Variants in TMOD3 observed in about 807,000 individuals in gnomAD.
TMOD3 encodes the protein tropomodulin 3.
In TMOD3, 20 loss-of-function variants were observed where a neutral mutation model predicts 39.2. The ratio of observed to expected loss-of-function variants is 0.51; its 90% CI spans 0.36 to 0.74. The LOEUF is 0.74. TMOD3 is among the 30% of genes least tolerant of loss of function. TMOD3 has a pLI of 0.00. For missense variants in TMOD3, 381 were observed against 412.8 expected (o/e 0.92, Z 0.67); for synonymous variants, 143 against 145.8 (o/e 0.98, Z 0.14).
At position 51,910,684 on chromosome 15, in the gene TMOD3, A is replaced by G. The variant is rs998563618; in HGVS notation, c.*1874A>G. ...TAAGCAAGGCAGCTTCTTGTGTGCT[A>G]TGGTAATAAGCCTTCTTAACAGGCT... On this transcript the variant is annotated 3_prime_UTR_variant, in exon 10 of 10. Transcript: ENST00000308580. 3 of 151,660 alleles carry G rather than the reference A, an allele frequency of 2.0e-5. No homozygotes were observed. The highest frequency in any genetic ancestry group is 2.9e-5 in the Non-Finnish European group (2 of 67,992). The allele number at this position is 151,660 out of a possible 1,614,324, so 9.4% of individuals were successfully genotyped here.
chr15:51,836,310 C>T (rs2056283065), intron 1 of TMOD3, among the ~76,000 whole-genome samples: 1 of 152,202 alleles, frequency 6.6e-6, no homozygotes, highest in South Asian at 2.1e-4. Context: ...CAATTCCCCC[C>T]TGGTCTCCCC....
intron 3 of TMOD3, 103 bp from the exon 4 acceptor site, chr15:51,887,485 AT>A (rs2056570977): frequency 8.3e-7 from 1 of 1,200,390 alleles, no homozygotes; most frequent in South Asian, 1.7e-5. Context: ...GTCGATGTTA[AT>A]CTTTTCCTTC....
intron 9 of TMOD3, among the ~76,000 whole-genome samples, chr15:51,904,975 T>C (rs1317753089): frequency 6.6e-6 from 1 of 152,216 alleles, no homozygotes; most frequent in Non-Finnish European, 1.5e-5. Context: ...CACTGTTTCA[T>C]TCTGATCCAA....
chr15:51,902,902 C>T (rs911305605), intron 9 of TMOD3, among the ~76,000 whole-genome samples: 3 of 152,106 alleles, frequency 2.0e-5, no homozygotes, highest in Non-Finnish European at 4.4e-5. Flanking sequence ...CCACCCGCCT[C>T]GGCCTCCCAA....
intron 1 of TMOD3, among the ~76,000 whole-genome samples, chr15:51,845,559 C>T (rs1026465119): frequency 3.3e-5 from 5 of 152,114 alleles, no homozygotes; most frequent in African/African-American, 9.7e-5. Context: ...GATTTTAGAC[C>T]AGCCTGGGCA....
chr15:51,868,060 G>T (rs2056456001), intron 2 of TMOD3, among the ~76,000 whole-genome samples: 1 of 152,142 alleles, frequency 6.6e-6, no homozygotes, highest in Admixed American at 6.5e-5. Context: ...ACATCCTAGT[G>T]GTCATGTATA....
At chr15:51,889,295 C>A in intron 5 of TMOD3, 150 bp downstream of exon 5, 3 of 572,818 alleles carry the variant, frequency 5.2e-6, no homozygotes, top group Non-Finnish European at 9.3e-6. Context: ...CCAAGAAAGC[C>A]ATTGAAAATA....
Position 51,887,717 on chromosome 15 carries a change from A to T in TMOD3, c.406+6A>T, listed in dbSNP as rs1237111469. 8.1e-6 allele frequency: 13 copies of T among 1,613,418 alleles called. No homozygotes were observed. Among genetic ancestry groups the T allele is most frequent in the Non-Finnish European group, 1.0e-5 (12 of 1,179,860 alleles). ...AGAATTGTGTGACCTCGCAGGTATC[A>T]CCTAAAACAAGTTAATTTGTGAATA... On this transcript the variant is annotated splice_donor_region_variant and intron_variant, in intron 4 of 9. Transcript: ENST00000308580.
chr15:51,851,841 C>G (rs976581591), intron 1 of TMOD3, among the ~76,000 whole-genome samples: 1 of 152,222 alleles, frequency 6.6e-6, no homozygotes, highest in Non-Finnish European at 1.5e-5. Flanking sequence ...AGCCACAACT[C>G]TAGGCAAAGC....
intron 1 of TMOD3, among the ~76,000 whole-genome samples, chr15:51,857,779 GAATTA>G (rs1383752754): frequency 2.0e-5 from 3 of 151,498 alleles, no homozygotes; most frequent in African/African-American, 7.3e-5. Flanking sequence ...AAAAAAGCAT[GAATTA>G]AATTATTCTT....
chr15:51,835,835 C>T (rs1039164919), intron 1 of TMOD3, among the ~76,000 whole-genome samples: 6 of 152,260 alleles, frequency 3.9e-5, no homozygotes, highest in East Asian at 1.9e-4. Context: ...CATTCTCATA[C>T]GTATTTTTAT....
At chr15:51,888,228 T>G (rs1044067139) in intron 4 of TMOD3, among the ~76,000 whole-genome samples, 1 of 152,190 alleles carries the variant, frequency 6.6e-6, no homozygotes, top group Non-Finnish European at 1.5e-5. Context: ...ACCAGTATCT[T>G]CCCCTCCCTA....
chr15:51,837,299 C>G (rs1302913437), intron 1 of TMOD3, among the ~76,000 whole-genome samples: 1 of 152,038 alleles, frequency 6.6e-6, no homozygotes, highest in Non-Finnish European at 1.5e-5. Context: ...GTATATGAGT[C>G]TGGCTTATAT....
intron 5 of TMOD3, among the ~76,000 whole-genome samples, chr15:51,890,281 G>A (rs1293649669): frequency 6.7e-6 from 1 of 148,436 alleles, no homozygotes; most frequent in African/African-American, 2.5e-5. Flanking sequence ...CGCTTCTCTT[G>A]CCTTAGCCAC....
intron 1 of TMOD3, among the ~76,000 whole-genome samples, chr15:51,830,983 T>A (rs2056252185): frequency 6.6e-6 from 1 of 152,222 alleles, no homozygotes. Flanking sequence ...GAGCTTTCTT[T>A]GCTTTTGCAA....
At chr15:51,898,533 C>G (rs1416574453) in intron 7 of TMOD3, among the ~76,000 whole-genome samples, 1 of 152,152 alleles carries the variant, frequency 6.6e-6, no homozygotes, top group South Asian at 2.1e-4. Flanking sequence ...ATCTCTGAAT[C>G]TCTAGGACAG....
intron 3 of TMOD3, among the ~76,000 whole-genome samples, chr15:51,886,272 G>A (rs527290644): frequency 0.018 from 2,804 of 152,276 alleles, 41 homozygotes; most frequent in Non-Finnish European, 0.029. Flanking sequence ...GGTGGCGGCC[G>A]GGCAGAGGCT....
At chr15:51,844,793 T>C (rs151175909) in intron 1 of TMOD3, among the ~76,000 whole-genome samples, 30 of 152,344 alleles carry the variant, frequency 2.0e-4, no homozygotes, top group African/African-American at 7.2e-4. Context: ...AATGTGAAAA[T>C]AGAAAATTAG....
At position 51,910,036 on chromosome 15, in the gene TMOD3, G is replaced by A. The variant is rs2141713811; in HGVS notation, c.*1226G>A. On this transcript the variant is annotated 3_prime_UTR_variant, in exon 10 of 10. Transcript: ENST00000308580. Reference sequence around the variant, plus strand: ...AATAGAGTACTGTGGTCGGGAGACTGATTTGAGACTGCAGAGCTGATGCTG... The same window carrying A: ...AATAGAGTACTGTGGTCGGGAGACTAATTTGAGACTGCAGAGCTGATGCTG... 1 of 152,386 alleles carries A rather than the reference G, an allele frequency of 6.6e-6. No individual in the cohort carries two copies. Among genetic ancestry groups the A allele is most frequent in the East Asian group, 1.9e-4 (1 of 5,186 alleles). 9.4% of individuals were successfully genotyped at this position (152,386 alleles called of 1,614,324 possible).
Sources: allele counts gnomAD v4.1 joint callset (sites outside exome capture counted in the v4.1 genomes callset), GRCh38; gene constraint gnomAD v4.1.1; transcripts MANE v1.5; gene names NCBI Gene and HGNC (gene_info 2026-07-23, HGNC 2026-07-21).